The following LRP1B variants were observed in gnomAD, a reference collection of about 807,000 sequenced individuals.
The protein encoded by LRP1B is LDL receptor related protein 1B, also known as low-density lipoprotein receptor-related protein 1B.
In LRP1B, 217 loss-of-function variants were observed where a neutral mutation model predicts 556.6. The ratio of observed to expected loss-of-function variants is 0.39; its 90% confidence interval spans 0.35 to 0.44. LRP1B has a LOEUF of 0.44. Among genes scored for constraint, LRP1B ranks in the 20% least tolerant of loss-of-function variants. LRP1B has a pLI of 1.00. For missense variants in LRP1B, 5,053 were observed against 5,620.8 expected (o/e 0.90, Z 3.23); for synonymous variants, 2,047 against 1,865.8 (o/e 1.10, Z -2.50).
At chr2:140,792,762 T>C (rs1373562333) in intron 32 of LRP1B, among the ~76,000 whole-genome samples, 1 of 152,102 alleles carries the variant, frequency 6.6e-6, no homozygotes, top group Non-Finnish European at 1.5e-5. Context: ...TAAGGAGGAA[T>C]AGTAGTGCTT....
chr2:140,425,916 A>G (rs1345395953), intron 66 of LRP1B, among the ~76,000 whole-genome samples: 1 of 152,230 alleles, frequency 6.6e-6, no homozygotes, highest in Non-Finnish European at 1.5e-5. Flanking sequence ...TATTTGGAAC[A>G]TTCAACTTCT....
intron 35 of LRP1B, among the ~76,000 whole-genome samples, chr2:140,734,887 T>A (rs1392763301): frequency 6.6e-6 from 1 of 152,170 alleles, no homozygotes; most frequent in Non-Finnish European, 1.5e-5. Context: ...ACTTTTCCTA[T>A]CTGACCTAAC....
intron 2 of LRP1B, among the ~76,000 whole-genome samples, chr2:141,754,078 A>T (rs558930142): frequency 1.3e-5 from 2 of 152,326 alleles, no homozygotes; most frequent in African/African-American, 4.8e-5. Flanking sequence ...TCTGTTGGTC[A>T]TCAGAGAATA....
intron 53 of LRP1B, among the ~76,000 whole-genome samples, chr2:140,506,253 T>C (rs1161378227): frequency 2.0e-5 from 3 of 152,118 alleles, no homozygotes; most frequent in Non-Finnish European, 4.4e-5. Context: ...TTTATTTATG[T>C]ATTTATTTTG....
chr2:141,155,655 A>C (rs1702048474), intron 7 of LRP1B, among the ~76,000 whole-genome samples: 1 of 151,976 alleles, frequency 6.6e-6, no homozygotes, highest in South Asian at 2.1e-4. Context: ...CCCTAAGGAA[A>C]AATTGGATTT....
intron 17 of LRP1B, 63 bp from the exon 18 acceptor site, chr2:140,982,339 A>G: frequency 1.0e-6 from 1 of 977,032 alleles, no homozygotes; most frequent in Non-Finnish European, 1.6e-6. Flanking sequence ...CAAGGATATA[A>G]TTAAGCATGC....
intron 60 of LRP1B, among the ~76,000 whole-genome samples, chr2:140,466,501 C>G (rs191633343): frequency 1.1e-3 from 166 of 152,134 alleles, no homozygotes; most frequent in Non-Finnish European, 2.0e-3. Flanking sequence ...GGTATAGAAA[C>G]AGTTATCCTT....
At chr2:140,870,078 G>A (rs1405577374) in intron 25 of LRP1B, among the ~76,000 whole-genome samples, 2 of 151,978 alleles carry the variant, frequency 1.3e-5, no homozygotes, top group African/African-American at 4.8e-5. Context: ...CAAAAGAAAT[G>A]CAACTGTCTG....
intron 3 of LRP1B, among the ~76,000 whole-genome samples, chr2:141,404,211 C>G (rs1690545142): frequency 6.6e-6 from 1 of 152,140 alleles, no homozygotes; most frequent in African/African-American, 2.4e-5. Flanking sequence ...TACTGTAGGC[C>G]TATGTCTAGT....
At position 141,273,025 on chromosome 2, in the gene LRP1B, T is replaced by C. The variant is rs912596789; in HGVS notation, c.344-18384A>G. ...ATAGCAGAATACCTATTGCAACACT[T>C]ATGCCAGGCGGGGTGGCTCACGCCT... On this transcript the variant is annotated intron_variant, in intron 3 of 90. Coordinates refer to ENST00000389484, the MANE Select transcript of LRP1B (RefSeq NM_018557.3). Among the ~76,000 whole-genome samples, 7 of 152,262 alleles carry C rather than the reference T, an allele frequency of 4.6e-5. 1 individual carries two copies. The highest frequency in any genetic ancestry group is 1.9e-4 in the East Asian group (1 of 5,158).
intron 3 of LRP1B, among the ~76,000 whole-genome samples, chr2:141,377,859 G>C (rs2104880545): frequency 6.6e-6 from 1 of 152,242 alleles, no homozygotes; most frequent in South Asian, 2.1e-4. Flanking sequence ...TAGGAGTTTT[G>C]AGGAGAACAT....
At chr2:141,018,685 T>C (rs72975033) in intron 12 of LRP1B, among the ~76,000 whole-genome samples, 7,651 of 152,214 alleles carry the variant, frequency 0.05, 236 homozygotes, top group Middle Eastern at 0.071. Context: ...TGTTTTAAGA[T>C]AGATTTGAAA....
chr2:141,946,960 G>A (rs1026950141), intron 1 of LRP1B, among the ~76,000 whole-genome samples: 2 of 152,092 alleles, frequency 1.3e-5, no homozygotes, highest in African/African-American at 4.8e-5. Context: ...AGGCTGCTAA[G>A]CAACATAATA....
intron 7 of LRP1B, among the ~76,000 whole-genome samples, chr2:141,083,034 T>C (rs1314684856): frequency 6.6e-6 from 1 of 152,210 alleles, no homozygotes; most frequent in African/African-American, 2.4e-5. Context: ...TGATCCAAGC[T>C]AATCAAATTA....
At chr2:141,146,984 C>G (rs74995224) in intron 7 of LRP1B, among the ~76,000 whole-genome samples, 16,837 of 152,212 alleles carry the variant, frequency 0.11, 1,849 homozygotes, top group African/African-American at 0.29. Context: ...GGATTACACA[C>G]CTGAGCATCC....
At chr2:141,544,346 C>CTTCTTCTTCTT (rs1559131319) in intron 2 of LRP1B, among the ~76,000 whole-genome samples, 86 of 85,014 alleles carry the variant, frequency 1.0e-3, no homozygotes, top group African/African-American at 2.8e-3. Context: ...TCTTCTTCTT[C>CTTCTTCTTCTT]TTCTTCTTCT....
chr2:141,104,852 G>A (rs937786600), intron 7 of LRP1B, among the ~76,000 whole-genome samples: 2 of 151,828 alleles, frequency 1.3e-5, no homozygotes, highest in South Asian at 4.1e-4. Context: ...CCTGCCTGTC[G>A]TTAATATGAT....
chr2:140,994,582 T>C (rs571243711), intron 15 of LRP1B, among the ~76,000 whole-genome samples: 2 of 152,018 alleles, frequency 1.3e-5, no homozygotes, highest in Non-Finnish European at 1.5e-5. Context: ...TGTTAAAATA[T>C]GCATTGGAAA....
At chr2:140,326,243 C>A (rs34973189) in intron 79 of LRP1B, among the ~76,000 whole-genome samples, 10,459 of 149,802 alleles carry the variant, frequency 0.07, 417 homozygotes, top group Middle Eastern at 0.13. Context: ...AGAATGAATT[C>A]ATTATTTAAA....
Sources: allele counts gnomAD v4.1 joint callset (sites outside exome capture counted in the v4.1 genomes callset), GRCh38; gene constraint gnomAD v4.1.1; transcripts MANE v1.5; gene names NCBI Gene and HGNC (gene_info 2026-07-23, HGNC 2026-07-21).